TGM4: variants seen among roughly 807,000 people sequenced by gnomAD.
TGM4 encodes transglutaminase 4.
In TGM4, 61 loss-of-function variants were observed where a neutral mutation model predicts 76.3. That is an observed-to-expected ratio of 0.80 (90% CI 0.65 to 0.99). The LOEUF (loss-of-function observed/expected upper bound fraction) is 0.99. Among genes scored for constraint, TGM4 ranks in the 50% least tolerant of loss-of-function variants. The pLI is 0.00. For missense variants in TGM4, 794 were observed against 843.2 expected (o/e 0.94, Z 0.72); for synonymous variants, 337 against 329.8 (o/e 1.02, Z -0.24).
At chr3:44,910,500 G>A in intron 11 of TGM4, 132 bp downstream of exon 11, 1 of 1,173,956 alleles carries the variant, frequency 8.5e-7, no homozygotes, top group South Asian at 1.6e-5. Flanking sequence ...AACATTTATT[G>A]AGCACCTACC....
chr3:44,890,766 AG>A (rs754330863), intron 4 of TGM4, 34 bp downstream of exon 4: 8 of 1,611,346 alleles, frequency 5.0e-6, no homozygotes, highest in South Asian at 2.2e-5. Flanking sequence ...GGGGAATGGC[AG>A]GTGACCCCGG....
intron 4 of TGM4, among the ~76,000 whole-genome samples, chr3:44,891,021 G>T (rs1699687090): frequency 6.6e-6 from 1 of 152,204 alleles, no homozygotes; most frequent in African/African-American, 2.4e-5. Context: ...TGGGGGTGGG[G>T]AGGGGCCACC....
chr3:44,876,520 T>C (rs989878640), intron 1 of TGM4: 1 of 152,266 alleles, frequency 6.6e-6, no homozygotes, highest in African/African-American at 2.4e-5. Context: ...TGAGAAATTG[T>C]GCACTTTATG....
Position 44,914,009 on chromosome 3 carries a change from T to C in TGM4, c.*284T>C, listed in dbSNP as rs369652111. 2.7e-5 allele frequency: 9 copies of C among 328,752 alleles called. No homozygotes were observed. Among genetic ancestry groups the C allele is most frequent in the African/African-American group, 1.5e-4 (7 of 46,614 alleles). 20.4% of individuals were successfully genotyped at this position (328,752 alleles called of 1,614,324 possible). ...AAAATCAGGGCCACCATTGTCTCAATTCAAATCCATAGATTTCGAAGCCAC... is the reference window on the plus strand; with the variant it reads ...AAAATCAGGGCCACCATTGTCTCAACTCAAATCCATAGATTTCGAAGCCAC... On this transcript the variant is annotated 3_prime_UTR_variant, in exon 14 of 14. Transcript: ENST00000296125.
intron 5 of TGM4, among the ~76,000 whole-genome samples, chr3:44,896,500 C>G (rs1699780057): frequency 6.6e-6 from 1 of 152,212 alleles, no homozygotes; most frequent in Admixed American, 6.5e-5. Flanking sequence ...CATGCTAGAG[C>G]TCTATAAACT....
In TGM4 at chr3:44,885,431, T is replaced by C. The variant is rs767251214; in HGVS notation, c.126T>C (p.Phe42=). 5.6e-6 allele frequency: 9 copies of C among 1,613,526 alleles called. No homozygotes were observed. Among genetic ancestry groups the C allele is most frequent in the Admixed American group, 1.7e-5 (1 of 59,996 alleles). Residue 42 remains phenylalanine (F), a synonymous_variant, in exon 2 of 14, where the codon TTT becomes TTC. Coordinates refer to ENST00000296125, the MANE Select transcript of TGM4 (RefSeq NM_003241.4). The part of the protein sequence containing the change: ...SSPVFRRGQV[F]HLRLVLNQPL... ...CTGTGTTCCGGCGAGGACAGGTGTT[T>C]CACCTGCGGCTGGTGCTGAACCAGC...
intron 10 of TGM4, 80 bp from the exon 11 acceptor site, chr3:44,910,010 C>A: frequency 6.6e-7 from 1 of 1,510,738 alleles, no homozygotes; most frequent in South Asian, 1.3e-5. Flanking sequence ...GGCAGATGGT[C>A]TCCTTCTGCC....
chr3:44,896,270 C>T (rs1375260497), intron 5 of TGM4, among the ~76,000 whole-genome samples: 1 of 152,166 alleles, frequency 6.6e-6, no homozygotes, highest in Non-Finnish European at 1.5e-5. Context: ...CACCACCACG[C>T]CCGGCTAATT....
rs1218461997 is a variant in TGM4 at position 44,885,360 on chromosome 3, G to A, written c.55G>A (p.Asp19Asn). Reference protein sequence around the residue: ...QVLHIDFLNQDNAVSHHTWEF... With the variant: ...QVLHIDFLNQNNAVSHHTWEF... ...TCTCCACATTGACTTCTTGAATCAG[G>A]ACAACGCCGTTTCTCACCACACATG... is the stretch of plus-strand genomic sequence containing the variant. Residue 19 changes from aspartate (D) to asparagine (N), a missense_variant, in exon 2 of 14, where the codon GAC becomes AAC. Coordinates refer to ENST00000296125, the MANE Select transcript of TGM4 (RefSeq NM_003241.4). 9 of 1,613,462 alleles carry A rather than the reference G, an allele frequency of 5.6e-6. No individual in the cohort carries two copies. The highest frequency in any genetic ancestry group is 1.1e-5 in the South Asian group (1 of 91,028).
intron 6 of TGM4, among the ~76,000 whole-genome samples, chr3:44,899,925 T>C (rs1699829939): frequency 6.6e-6 from 1 of 152,142 alleles, no homozygotes; most frequent in Non-Finnish European, 1.5e-5. Flanking sequence ...AGCCACAGCC[T>C]TTGTCACCTC....
chr3:44,880,970 C>T (rs1057277609), intron 1 of TGM4, among the ~76,000 whole-genome samples: 42 of 152,072 alleles, frequency 2.8e-4, no homozygotes, highest in African/African-American at 9.9e-4. Context: ...GTAATTCCAA[C>T]ATTTTTGGAG....
chr3:44,893,834 G>T, intron 5 of TGM4, 139 bp downstream of exon 5: 1 of 801,232 alleles, frequency 1.2e-6, no homozygotes, highest in South Asian at 1.5e-5. Flanking sequence ...GTAAAACTTG[G>T]CCATAGAGGG....
chr3:44,911,729 G>A (rs1481761712), intron 13 of TGM4, among the ~76,000 whole-genome samples: 1 of 152,084 alleles, frequency 6.6e-6, no homozygotes, highest in Non-Finnish European at 1.5e-5. Context: ...TTTTTCTACT[G>A]AGTCATTTAT....
rs767846593 is a variant in TGM4, at chr3:44,911,440, T to A, written c.1913+34T>A. 3.1e-6 allele frequency: 5 copies of A among 1,611,260 alleles called. No homozygotes were observed. In the Middle Eastern group the frequency reaches 9.5e-4, roughly 306 times the overall value. ...GCCTGAGGTATTCTTAGAAATATGC[T>A]TCTGGACATATATCTTGCACATGTG... On this transcript the variant is annotated intron_variant, in intron 13 of 13. Transcript: ENST00000296125.
chr3:44,913,477 A>T, intron 13 of TGM4, 107 bp from the exon 14 acceptor site: 2 of 1,419,060 alleles, frequency 1.4e-6, no homozygotes, highest in South Asian at 2.8e-5. Flanking sequence ...CTTTTCAAAG[A>T]GGCTGAGCTA....
intron 1 of TGM4, among the ~76,000 whole-genome samples, chr3:44,877,685 A>T (rs772433738): frequency 1.4e-4 from 21 of 152,266 alleles, no homozygotes; most frequent in South Asian, 4.2e-4. Flanking sequence ...TTAATAGTAA[A>T]TAGCTTTAAA....
chr3:44,887,827 G>A, intron 3 of TGM4, 32 bp downstream of exon 3: 1 of 1,598,402 alleles, frequency 6.3e-7, no homozygotes, highest in South Asian at 1.1e-5. Flanking sequence ...GGGTGGGCTG[G>A]CTGGCTTCTG....
chr3:44,901,953 C>T (rs1699861490), intron 8 of TGM4, 22 bp downstream of exon 8: 1 of 1,605,066 alleles, frequency 6.2e-7, no homozygotes, highest in Non-Finnish European at 8.5e-7. Flanking sequence ...CCTTCTCAAC[C>T]TGCCCTGTCT....
chr3:44,878,688 G>T (rs1699485587), intron 1 of TGM4, among the ~76,000 whole-genome samples: 3 of 151,836 alleles, frequency 2.0e-5, no homozygotes, highest in Non-Finnish European at 4.4e-5. Flanking sequence ...CACCATGTTG[G>T]CCAGGCTGGT....
Sources: gnomAD v4.1 joint callset for allele counts (sites outside exome capture counted in the v4.1 genomes callset) on GRCh38, gnomAD v4.1.1 for gene constraint, MANE v1.5 for transcripts, NCBI Gene and HGNC (gene_info 2026-07-23, HGNC 2026-07-21) for gene names.